The following TMEM68 variants were observed in gnomAD, a reference collection of about 807,000 sequenced individuals.
TMEM68 encodes the protein DGAT1/2-independent enzyme synthesizing storage lipids.
A neutral mutation model predicts 36.9 loss-of-function variants in TMEM68; 25 were observed. The observed-to-expected ratio is 0.68, with a 90% CI of 0.49 to 0.95. The LOEUF (loss-of-function observed/expected upper bound fraction) is 0.95, where lower values mean the gene tolerates loss of function less well. Ranked by LOEUF, TMEM68 falls within the 40% of genes least tolerant of loss-of-function variation. The pLI, the probability that TMEM68 is intolerant of heterozygous loss-of-function variation, is 0.00. For missense variants in TMEM68, 333 were observed against 392.0 expected (o/e 0.85, Z 1.27); for synonymous variants, 131 against 124.4 (o/e 1.05, Z -0.35).
chr8:55,741,964 G>A (rs78196851), intron 7 of TMEM68, among the ~76,000 whole-genome samples: 2,502 of 152,208 alleles, frequency 0.016, 80 homozygotes, highest in African/African-American at 0.058. Context: ...GCTGAGATAC[G>A]ACAATCACTT....
At chr8:55,760,616 G>C (rs1215775920) in intron 3 of TMEM68, among the ~76,000 whole-genome samples, 1 of 152,168 alleles carries the variant, frequency 6.6e-6, no homozygotes, top group African/African-American at 2.4e-5. Context: ...TGTCTGATCA[G>C]CTACGAAATA....
chr8:55,764,631 A>T (rs1810907237), intron 1 of TMEM68, among the ~76,000 whole-genome samples: 1 of 152,224 alleles, frequency 6.6e-6, no homozygotes. Context: ...TCTCCCAGGA[A>T]TGAAACATTT....
At chr8:55,768,074 T>C (rs1292805542) in intron 1 of TMEM68, among the ~76,000 whole-genome samples, 1 of 152,080 alleles carries the variant, frequency 6.6e-6, no homozygotes, top group Non-Finnish European at 1.5e-5. Flanking sequence ...AGGCATATTC[T>C]GCTGTTTTAA....
chr8:55,742,514 T>G (rs1215401114), intron 7 of TMEM68, among the ~76,000 whole-genome samples: 1 of 152,198 alleles, frequency 6.6e-6, no homozygotes, highest in Non-Finnish European at 1.5e-5. Flanking sequence ...AAAGACTATA[T>G]AAAAGTCATA....
At chr8:55,764,386 A>G (rs1810901058) in intron 1 of TMEM68, among the ~76,000 whole-genome samples, 2 of 152,224 alleles carry the variant, frequency 1.3e-5, no homozygotes, top group Non-Finnish European at 2.9e-5. Context: ...TTTTCCTACA[A>G]AAGATTTCCT....
At chr8:55,768,781 G>C (rs1361739887) in intron 1 of TMEM68, among the ~76,000 whole-genome samples, 1 of 151,806 alleles carries the variant, frequency 6.6e-6, no homozygotes, top group Non-Finnish European at 1.5e-5. Context: ...AGGAGGTGGA[G>C]AGTGCAGTGA....
At chr8:55,745,177 T>A in intron 5 of TMEM68, 56 bp from the exon 6 acceptor site, 1 of 1,194,722 alleles carries the variant, frequency 8.4e-7, no homozygotes, top group Non-Finnish European at 1.1e-6. Context: ...ATTCAATGTC[T>A]CCATTAGAGT....
chr8:55,770,915 C>A (rs369551849), intron 1 of TMEM68, among the ~76,000 whole-genome samples: 31 of 152,014 alleles, frequency 2.0e-4, no homozygotes, highest in African/African-American at 6.3e-4. Flanking sequence ...CAGCACTTTG[C>A]GAAGCAGCGG....
chr8:55,755,002 A>C (rs1810559677), intron 4 of TMEM68, among the ~76,000 whole-genome samples: 1 of 146,030 alleles, frequency 6.8e-6, no homozygotes, highest in Non-Finnish European at 1.5e-5. Context: ...AGATTTTTTT[A>C]AATGTAGTCT....
chr8:55,751,248 T>C (rs1781268469), intron 4 of TMEM68, 91 bp from the exon 5 acceptor site: 31 of 1,156,676 alleles, frequency 2.7e-5, no homozygotes, highest in Non-Finnish European at 3.6e-5. Flanking sequence ...TAGTGTACTA[T>C]TTATACTTAA....
chr8:55,756,647 G>T (rs1004465136), intron 3 of TMEM68, among the ~76,000 whole-genome samples: 3 of 152,162 alleles, frequency 2.0e-5, no homozygotes, highest in African/African-American at 7.2e-5. Flanking sequence ...GTAGCCTGGA[G>T]TGTTGGCGCC....
chr8:55,740,081 C>G lies in TMEM68; in HGVS notation c.*51G>C, dbSNP rs770006169. The G allele has an allele frequency of 6.9e-7, 1 of 1,457,988 alleles. No homozygotes were observed. The highest frequency in any genetic ancestry group is 1.8e-5 in the Admixed American group (1 of 54,644). 90.3% of individuals were successfully genotyped at this position (1,457,988 alleles called of 1,614,324 possible). On this transcript the variant is annotated 3_prime_UTR_variant, in exon 8 of 8. Transcript: ENST00000434581. ...AATTCAGAAGACAGTACCTTAGATACAAACATTTAATATAAATGTACTAAA... is the reference window on the plus strand; with the variant it reads ...AATTCAGAAGACAGTACCTTAGATAGAAACATTTAATATAAATGTACTAAA...
At chr8:55,771,909 A>G (rs1240938858) in intron 1 of TMEM68, among the ~76,000 whole-genome samples, 1 of 152,206 alleles carries the variant, frequency 6.6e-6, no homozygotes, top group Admixed American at 6.5e-5. Context: ...TTTAGCTTTA[A>G]TACTTTTTTT....
chr8:55,771,356 C>G (rs1436457883), intron 1 of TMEM68, among the ~76,000 whole-genome samples: 1 of 152,048 alleles, frequency 6.6e-6, no homozygotes, highest in African/African-American at 2.4e-5. Flanking sequence ...AATCCTAACA[C>G]TTTGGGAGGC....
At chr8:55,743,973 A>T (rs370690306) in intron 6 of TMEM68, among the ~76,000 whole-genome samples, 1 of 152,144 alleles carries the variant, frequency 6.6e-6, no homozygotes, top group African/African-American at 2.4e-5. Context: ...ATGAATAAAT[A>T]AAAATAAAAT....
intron 3 of TMEM68, among the ~76,000 whole-genome samples, chr8:55,757,416 C>T (rs1316077605): frequency 2.6e-5 from 4 of 152,144 alleles, no homozygotes. Context: ...CAGATAGTCA[C>T]TCTCTAACTC....
chr8:55,772,312 T>G (rs1251283461), intron 1 of TMEM68, among the ~76,000 whole-genome samples: 1 of 152,204 alleles, frequency 6.6e-6, no homozygotes, highest in Non-Finnish European at 1.5e-5. Flanking sequence ...CCAATACTAT[T>G]TTGGCATTTC....
chr8:55,772,503 TTAGA>T (rs1417205510), intron 1 of TMEM68, among the ~76,000 whole-genome samples: 1 of 152,188 alleles, frequency 6.6e-6, no homozygotes, highest in African/African-American at 2.4e-5. Flanking sequence ...TTTTTTCTTA[TTAGA>T]TAATTAGTAA....
At chr8:55,746,678 C>A (rs1810287337) in intron 5 of TMEM68, 1 of 152,066 alleles carries the variant, frequency 6.6e-6, no homozygotes, top group African/African-American at 2.4e-5. Context: ...TTTAAATAAG[C>A]TTAAAAGTTA....
Sources: allele counts gnomAD v4.1 joint callset (sites outside exome capture counted in the v4.1 genomes callset), GRCh38; gene constraint gnomAD v4.1.1; transcripts MANE v1.5; gene names NCBI Gene and HGNC (gene_info 2026-07-23, HGNC 2026-07-21).